UMAD1: variants seen among roughly 807,000 people sequenced by gnomAD.
UMAD1 encodes the protein UBAP1-MVB12-associated (UMA) domain containing 1.
In UMAD1, 8 loss-of-function variants were observed where a neutral mutation model predicts 6.1. The observed-to-expected ratio is 1.30, with a 90% CI of 0.76 to 2.35. The LOEUF (loss-of-function observed/expected upper bound fraction) is 2.35, where lower values mean the gene tolerates loss of function less well. UMAD1 is among the 30% of genes most tolerant of loss of function. The pLI, the probability that UMAD1 is intolerant of heterozygous loss-of-function variation, is 0.00. For synonymous variants in UMAD1, 56 were observed against 31.4 expected (o/e 1.78, Z -2.61); for missense variants, 130 against 78.4 (o/e 1.66, Z -2.49).
chr7:7,774,642 A>G (rs1583815316), intron 2 of UMAD1, among the ~76,000 whole-genome samples: 2 of 152,216 alleles, frequency 1.3e-5, no homozygotes, highest in East Asian at 1.9e-4. Flanking sequence ...AATTTTACTA[A>G]CATAGATTCT....
At chr7:7,742,778 T>C (rs1056490345) in intron 2 of UMAD1, among the ~76,000 whole-genome samples, 4 of 152,234 alleles carry the variant, frequency 2.6e-5, no homozygotes, top group Non-Finnish European at 5.9e-5. Context: ...TTTTAATTTT[T>C]CCAGTTTCTG....
intron 1 of UMAD1, among the ~76,000 whole-genome samples, chr7:7,672,575 G>T (rs897072807): frequency 6.6e-6 from 1 of 152,126 alleles, no homozygotes; most frequent in Non-Finnish European, 1.5e-5. Flanking sequence ...TAAATCATGG[G>T]AGCCATTTCA....
intron 3 of UMAD1, among the ~76,000 whole-genome samples, chr7:7,864,817 G>A (rs1376552222): frequency 6.6e-6 from 1 of 152,018 alleles, no homozygotes; most frequent in East Asian, 1.9e-4. Context: ...GTAATTAGAG[G>A]GTTGGAACCA....
chr7:7,777,338 C>T (rs1176967803), intron 2 of UMAD1, among the ~76,000 whole-genome samples: 1 of 151,286 alleles, frequency 6.6e-6, no homozygotes, highest in African/African-American at 2.4e-5. Context: ...AACCCTATCT[C>T]TACTAAAAAT....
At chr7:7,784,842 G>A (rs796700218) in intron 2 of UMAD1, among the ~76,000 whole-genome samples, 11 of 142,578 alleles carry the variant, frequency 7.7e-5, no homozygotes, top group East Asian at 2.1e-4. Context: ...GCTCGCTGCA[G>A]GCTCCGCCCC....
intron 3 of UMAD1, among the ~76,000 whole-genome samples, chr7:7,839,020 T>A (rs1047926740): frequency 6.6e-6 from 1 of 152,184 alleles, no homozygotes; most frequent in African/African-American, 2.4e-5. Context: ...AAGGAATAGA[T>A]GGGAGTGAGA....
intron 2 of UMAD1, among the ~76,000 whole-genome samples, chr7:7,744,407 A>T (rs963450069): frequency 6.6e-6 from 1 of 152,110 alleles, no homozygotes; most frequent in African/African-American, 2.4e-5. Flanking sequence ...TTGTGTAGAC[A>T]TGTATTTTCA....
At chr7:7,672,101 C>G (rs12702634) in intron 1 of UMAD1, among the ~76,000 whole-genome samples, 124,526 of 152,142 alleles carry the variant, frequency 0.82, 51,361 homozygotes, top group Non-Finnish European at 0.88. Flanking sequence ...CTTTCACTCA[C>G]ATTAAATCCT....
At chr7:7,751,197 T>G (rs1314339691) in intron 2 of UMAD1, among the ~76,000 whole-genome samples, 1 of 152,264 alleles carries the variant, frequency 6.6e-6, no homozygotes, top group Non-Finnish European at 1.5e-5. Flanking sequence ...GCTCTGTCGT[T>G]GACTATATCT....
chr7:7,740,653 A>G (rs1229123174), intron 2 of UMAD1: 1 of 152,194 alleles, frequency 6.6e-6, no homozygotes, highest in East Asian at 1.9e-4. Flanking sequence ...CCCTTTCCCT[A>G]CTGAGAAGTC....
At chr7:7,657,208 A>G (rs1785364841) in intron 1 of UMAD1, among the ~76,000 whole-genome samples, 1 of 152,032 alleles carries the variant, frequency 6.6e-6, no homozygotes, top group African/African-American at 2.4e-5. Flanking sequence ...GAGTCTGGGT[A>G]TTAGCCCTTT....
chr7:7,698,019 G>A (rs982518499), intron 2 of UMAD1, among the ~76,000 whole-genome samples: 1 of 152,136 alleles, frequency 6.6e-6, no homozygotes, highest in Non-Finnish European at 1.5e-5. Context: ...TTGTTAGAAT[G>A]TGCATTTCTT....
chr7:7,836,934 C>T (rs955163539), intron 3 of UMAD1, among the ~76,000 whole-genome samples: 22 of 146,608 alleles, frequency 1.5e-4, no homozygotes, highest in African/African-American at 5.3e-4. Context: ...AAATTAGGAG[C>T]TAGGAATTTT....
intron 3 of UMAD1, among the ~76,000 whole-genome samples, chr7:7,840,687 T>C (rs1232080624): frequency 2.6e-5 from 4 of 152,190 alleles, no homozygotes; most frequent in African/African-American, 4.8e-5. Context: ...TCATCATCAT[T>C]ATTATTGACA....
At chr7:7,780,474 A>G (rs1464405410) in intron 2 of UMAD1, among the ~76,000 whole-genome samples, 3 of 152,212 alleles carry the variant, frequency 2.0e-5, no homozygotes, top group African/African-American at 7.2e-5. Flanking sequence ...CCAAGTCATT[A>G]ATTTTTAAAA....
chr7:7,875,135 T>G (rs1430610734), intron 3 of UMAD1, among the ~76,000 whole-genome samples: 1 of 152,112 alleles, frequency 6.6e-6, no homozygotes, highest in Non-Finnish European at 1.5e-5. Context: ...TTATAACCAT[T>G]AGCATTTATA....
chr7:7,847,095 AAAAAAAAAAATATATAT>A (rs1283472273), intron 3 of UMAD1, among the ~76,000 whole-genome samples: 2 of 47,130 alleles, frequency 4.2e-5, no homozygotes, highest in Non-Finnish European at 7.1e-5. Context: ...TGCAAAAAAA[AAAAAAAAAAATATATAT>A]ATATATATAT....
intron 1 of UMAD1, among the ~76,000 whole-genome samples, chr7:7,651,581 G>T (rs1354706867): frequency 6.6e-6 from 1 of 152,168 alleles, no homozygotes; most frequent in Non-Finnish European, 1.5e-5. Context: ...TCATTCTGGT[G>T]ATCTCTAATT....
chr7:7,722,303 G>A (rs1781065653), intron 2 of UMAD1, among the ~76,000 whole-genome samples: 1 of 151,830 alleles, frequency 6.6e-6, no homozygotes, highest in Admixed American at 6.6e-5. Flanking sequence ...TATTAAGGAT[G>A]GAGTTCCTTC....
Sources: gnomAD v4.1 joint callset for allele counts (sites outside exome capture counted in the v4.1 genomes callset) on GRCh38, gnomAD v4.1.1 for gene constraint, MANE v1.5 for transcripts, NCBI Gene and HGNC (gene_info 2026-07-23, HGNC 2026-07-21) for gene names.